HSPA12A: variants seen among roughly 807,000 people sequenced by gnomAD.
The protein encoded by HSPA12A is heat shock protein family A (Hsp70) member 12A.
A neutral mutation model predicts 69.2 loss-of-function variants in HSPA12A; 28 were observed. The ratio of observed to expected loss-of-function variants is 0.40; its 90% CI spans 0.30 to 0.55. The LOEUF is 0.55. Ranked by LOEUF, HSPA12A falls within the 20% of genes least tolerant of loss-of-function variation. The pLI is 0.38. For synonymous variants in HSPA12A, 345 were observed against 370.5 expected, an observed-to-expected ratio of 0.93 and a Z score of 0.79; for missense variants, 686 against 900.7, an observed-to-expected ratio of 0.76 and a Z score of 3.05.
chr10:116,752,973 C>A (rs1843741638), intron 2 of HSPA12A, among the ~76,000 whole-genome samples: 1 of 152,186 alleles, frequency 6.6e-6, no homozygotes, highest in South Asian at 2.1e-4. Flanking sequence ...CATTTGCAAG[C>A]CAGCTAGGAT....
At chr10:116,696,409 G>A (rs782097042) in intron 5 of HSPA12A, among the ~76,000 whole-genome samples, 3 of 152,086 alleles carry the variant, frequency 2.0e-5, no homozygotes, top group East Asian at 1.9e-4. Flanking sequence ...TAAGTCTCAC[G>A]AGATCTGATG....
At chr10:116,839,628 A>AC (rs1354786948) in intron 1 of HSPA12A, among the ~76,000 whole-genome samples, 1 of 149,080 alleles carries the variant, frequency 6.7e-6, no homozygotes, top group Non-Finnish European at 1.5e-5. Flanking sequence ...AAAAAAAAAA[A>AC]AACCTAAAAT....
rs1260189074 is a variant in HSPA12A at position 116,672,735 on chromosome 10, A to G, written c.*2046T>C. The G allele has an allele frequency of 2.0e-5, 3 of 152,648 alleles. No homozygotes were observed. The highest frequency in any genetic ancestry group is 3.8e-4 in the East Asian group (2 of 5,202). The allele number at this position is 152,648 out of a possible 1,614,324, so 9.5% of individuals were successfully genotyped here. On this transcript the variant is annotated 3_prime_UTR_variant, in exon 12 of 12. Transcript: ENST00000369209. ...ATATGTACATAAAATTATATTACTC[A>G]TAACTATATTGAAAAGTCTTATTTG...
At chr10:116,703,535 T>TAA (rs35271333) in intron 3 of HSPA12A, among the ~76,000 whole-genome samples, 41 of 146,498 alleles carry the variant, frequency 2.8e-4, no homozygotes, top group Non-Finnish European at 5.2e-4. Context: ...GCCTGTCTCT[T>TAA]AAAAAAAAAA....
At chr10:116,796,792 AGGACAGCCCCAGGCTGAGGGTGACTG>A (rs1266254806) in intron 2 of HSPA12A, among the ~76,000 whole-genome samples, 1 of 152,134 alleles carries the variant, frequency 6.6e-6, no homozygotes, top group Non-Finnish European at 1.5e-5. Context: ...AAGCAACCCA[AGGACAGCCCCAGGCTGAGGGTGACTG>A]ACCTTTCTGA....
At chr10:116,796,163 A>AAAAAG (rs1414051045) in intron 2 of HSPA12A, among the ~76,000 whole-genome samples, 2,716 of 137,884 alleles carry the variant, frequency 0.02, 179 homozygotes, top group African/African-American at 0.068. Flanking sequence ...AAAAAAAAAA[A>AAAAAG]AAAGAAAGAA....
intron 3 of HSPA12A, among the ~76,000 whole-genome samples, chr10:116,703,792 G>A (rs1850148986): frequency 1.3e-5 from 2 of 152,210 alleles, no homozygotes; most frequent in East Asian, 3.9e-4. Context: ...GGTGCTGGGT[G>A]TGCGGGGAAG....
At chr10:116,812,313 T>C (rs1383326585) in intron 2 of HSPA12A, among the ~76,000 whole-genome samples, 1 of 151,276 alleles carries the variant, frequency 6.6e-6, no homozygotes, top group Non-Finnish European at 1.5e-5. Context: ...ATTAGCTGGG[T>C]ATGGTGGTGC....
intron 2 of HSPA12A, among the ~76,000 whole-genome samples, chr10:116,804,178 T>G (rs1022072992): frequency 6.6e-6 from 1 of 152,196 alleles, no homozygotes; most frequent in South Asian, 2.1e-4. Context: ...CGCATTTTCT[T>G]AAGCCACTCA....
At chr10:116,722,230 C>A (rs145968703) in intron 1 of HSPA12A, among the ~76,000 whole-genome samples, 2 of 152,322 alleles carry the variant, frequency 1.3e-5, no homozygotes, top group East Asian at 3.9e-4. Flanking sequence ...ACGGGTCAGG[C>A]GCAGGGTGAC....
At chr10:116,755,637 G>A (rs1843821984) in intron 2 of HSPA12A, among the ~76,000 whole-genome samples, 1 of 150,074 alleles carries the variant, frequency 6.7e-6, no homozygotes, top group Non-Finnish European at 1.5e-5. Context: ...AAAAAAGGTG[G>A]TGTAGTAACA....
At chr10:116,724,941 A>C (rs1850904778) in intron 1 of HSPA12A, among the ~76,000 whole-genome samples, 1 of 152,076 alleles carries the variant, frequency 6.6e-6, no homozygotes, top group African/African-American at 2.4e-5. Flanking sequence ...CTGCCTGGCA[A>C]TCTCCCAGCA....
chr10:116,687,092 G>C (rs1265287467), intron 6 of HSPA12A, among the ~76,000 whole-genome samples: 3 of 152,160 alleles, frequency 2.0e-5, no homozygotes, highest in Non-Finnish European at 4.4e-5. Context: ...CAGCAGAACT[G>C]TCCCCCGCCC....
intron 1 of HSPA12A, among the ~76,000 whole-genome samples, chr10:116,717,313 G>A (rs180783230): frequency 7.1e-4 from 108 of 152,258 alleles, no homozygotes; most frequent in Non-Finnish European, 1.2e-3. Context: ...AGGTGTGAAT[G>A]TAAATCCCCA....
At chr10:116,742,712 A>G (rs1484030618), upstream of HSPA12A, 4 of 575,760 alleles carry the variant, frequency 6.9e-6, no homozygotes, top group Admixed American at 6.1e-5. Flanking sequence ...GGCGCGGGGA[A>G]CTGCCTGGCT....
intron 2 of HSPA12A, among the ~76,000 whole-genome samples, chr10:116,760,567 T>C (rs1333419866): frequency 1.3e-5 from 2 of 152,206 alleles, no homozygotes; most frequent in African/African-American, 2.4e-5. Context: ...GACATCCCAC[T>C]GAACTCGGGG....
At chr10:116,720,899 T>C (rs1324967169) in intron 1 of HSPA12A, among the ~76,000 whole-genome samples, 1 of 152,130 alleles carries the variant, frequency 6.6e-6, no homozygotes, top group East Asian at 1.9e-4. Flanking sequence ...CACTGCAGCC[T>C]GGAGGGGAGG....
chr10:116,793,293 G>A (rs1844739519), intron 2 of HSPA12A, among the ~76,000 whole-genome samples: 1 of 152,176 alleles, frequency 6.6e-6, no homozygotes, highest in South Asian at 2.1e-4. Flanking sequence ...AAAACAGACT[G>A]GGCACAGTGG....
chr10:116,784,113 G>A lies in HSPA12A; in HGVS notation c.91+50822C>T, dbSNP rs561096304. Among the ~76,000 whole-genome samples, 32 of 152,356 alleles carry A rather than the reference G, an allele frequency of 2.1e-4. No homozygotes were observed. In the South Asian group the frequency reaches 6.2e-3, roughly 30 times the overall value. On this transcript the variant is annotated intron_variant, in intron 2 of 12. Transcript: ENST00000635765. ...CTGGTTGCAGTGTTGACCTCTTAGG[G>A]AACCAGATGGCTAAGTGGGACAGCC...
Sources: gnomAD v4.1 joint callset for allele counts (sites outside exome capture counted in the v4.1 genomes callset) on GRCh38, gnomAD v4.1.1 for gene constraint, MANE v1.5 for transcripts, NCBI Gene and HGNC (gene_info 2026-07-23, HGNC 2026-07-21) for gene names.